ITPR1: variants seen among roughly 807,000 people sequenced by gnomAD.
The protein encoded by ITPR1 is inositol 1,4,5-trisphosphate receptor type 1.
In ITPR1, 96 loss-of-function variants were observed where a neutral mutation model predicts 318.4. The ratio of observed to expected loss-of-function variants is 0.30; its 90% CI spans 0.26 to 0.36. The LOEUF is 0.36. ITPR1 is among the 10% of genes least tolerant of loss of function. ITPR1 has a pLI of 1.00. For synonymous variants in ITPR1, 1,312 were observed against 1,289.9 expected (o/e 1.02, Z -0.37); for missense variants, 2,440 against 3,460.2 (o/e 0.71, Z 7.40).
intron 52 of ITPR1, 139 bp from the exon 53 acceptor site, chr3:4,794,926 T>A: frequency 1.1e-6 from 1 of 930,854 alleles, no homozygotes. Context: ...TCCAAACAAA[T>A]GATCATTTTT....
At chr3:4,548,288 G>A (rs1200385132) in intron 4 of ITPR1, among the ~76,000 whole-genome samples, 2 of 152,120 alleles carry the variant, frequency 1.3e-5, no homozygotes, top group Non-Finnish European at 2.9e-5. Flanking sequence ...CAAACATCAA[G>A]TTTGGGTTGG....
At chr3:4,726,321 C>T (rs1005060635) in intron 41 of ITPR1, among the ~76,000 whole-genome samples, 4 of 149,550 alleles carry the variant, frequency 2.7e-5, no homozygotes, top group East Asian at 1.9e-4. Context: ...TGAGGCTCTG[C>T]GCCCAGCCTA....
chr3:4,504,084 C>T (rs1049825466), intron 2 of ITPR1, among the ~76,000 whole-genome samples: 1 of 152,180 alleles, frequency 6.6e-6, no homozygotes, highest in Non-Finnish European at 1.5e-5. Context: ...GCCCTCCACT[C>T]ACCAAATCTG....
chr3:4,706,237 C>T lies in ITPR1; in HGVS notation c.4728C>T (p.His1576=). The stretch of plus-strand genomic sequence containing the variant: ...TCAACAACCTCTTTCTCAAGTCCCA[C>T]AGCATTGTGCAGAAAACAGCCATGA... ...SQVNNLFLKS[H]SIVQKTAMNW... Residue 1576 remains histidine (H), a synonymous_variant, in exon 37 of 62, where the codon CAC becomes CAT. Coordinates refer to ENST00000649015, the MANE Select transcript of ITPR1 (RefSeq NM_001378452.1). 6.2e-7 allele frequency: 1 copy of T among 1,614,066 alleles called. No individual in the cohort carries two copies. The highest frequency in any genetic ancestry group is 1.6e-4 in the Middle Eastern group (1 of 6,062).
At chr3:4,768,410 T>C (rs1188320773) in intron 45 of ITPR1, 101 bp from the exon 46 acceptor site, 1 of 1,347,076 alleles carries the variant, frequency 7.4e-7, no homozygotes, top group East Asian at 2.4e-5. Flanking sequence ...TGAACGTCTC[T>C]AGGAGATAAA....
chr3:4,667,463 C>G lies in ITPR1; in HGVS notation c.1800C>G (p.His600Gln). The G allele has an allele frequency of 6.2e-7, 1 of 1,613,804 alleles. No individual in the cohort carries two copies. The highest frequency in any genetic ancestry group is 8.5e-7 in the Non-Finnish European group (1 of 1,179,802). ...AAGACACTATCACTGCCCTGCTCCA[C>G]AATAATCGGAAACTCCTGGAAAAAC... is the stretch of plus-strand genomic sequence containing the variant. ...LAEDTITALL[H>Q]NNRKLLEKHI... The change falls in exon 18 of 62, where the codon CAC (histidine) becomes CAG (glutamine). Residue 600 changes from histidine to glutamine, a missense_variant. His to Gln is a conservative substitution (Grantham distance 24, BLOSUM62 0). This residue lies in a region of ITPR1 where 478 missense variants were observed against 696.3 expected (regional missense o/e 0.69). Coordinates refer to ENST00000649015, the MANE Select transcript of ITPR1 (RefSeq NM_001378452.1).
At chr3:4,797,020 C>G (rs2047942494) in intron 53 of ITPR1, among the ~76,000 whole-genome samples, 3 of 152,068 alleles carry the variant, frequency 2.0e-5, no homozygotes, top group Admixed American at 2.0e-4. Context: ...ATGGTGCATT[C>G]TGAATGAGCC....
intron 60 of ITPR1, among the ~76,000 whole-genome samples, chr3:4,828,763 G>A (rs2050245432): frequency 6.6e-6 from 1 of 152,184 alleles, no homozygotes. Flanking sequence ...AACAACTATG[G>A]AGTCTGGGAA....
intron 21 of ITPR1, 29 bp downstream of exon 21, chr3:4,673,416 T>C (rs765477985): frequency 2.5e-6 from 4 of 1,573,996 alleles, no homozygotes; most frequent in Non-Finnish European, 3.5e-6. Flanking sequence ...AACCTCACTT[T>C]ACATTATTCT....
In ITPR1 at chr3:4,779,978, G is replaced by C. The variant is rs1481563983; in HGVS notation, c.6387+333G>C. On this transcript the variant is annotated intron_variant, in intron 49 of 61. Coordinates refer to ENST00000649015, the MANE Select transcript of ITPR1 (RefSeq NM_001378452.1). This position sits in a 1 kb window ranked among gnomAD's most constrained non-coding sequence, Gnocchi z 4.0. ...CTCTCCCTTTGGCATAAACCACATG[G>C]AGAAGCCTCCGTCTCTGTTTTTCCC... is the stretch of plus-strand genomic sequence containing the variant. 6.6e-6 allele frequency among the ~76,000 whole-genome samples: 1 copy of C among 151,960 alleles called. No individual in the cohort carries two copies.
At chr3:4,755,163 C>T (rs2044858708) in intron 44 of ITPR1, among the ~76,000 whole-genome samples, 1 of 120,180 alleles carries the variant, frequency 8.3e-6, no homozygotes, top group Non-Finnish European at 1.7e-5. Context: ...TACGATAATA[C>T]CTTTAATTTT....
intron 4 of ITPR1, among the ~76,000 whole-genome samples, chr3:4,601,240 C>A (rs1410430549): frequency 7.1e-6 from 1 of 140,042 alleles, no homozygotes; most frequent in Non-Finnish European, 1.5e-5. Context: ...AAAGTTGAGC[C>A]AGGCTCATTG....
chr3:4,823,604 A>C (rs1217759888), intron 60 of ITPR1, among the ~76,000 whole-genome samples: 1 of 152,170 alleles, frequency 6.6e-6, no homozygotes, highest in Non-Finnish European at 1.5e-5. Context: ...GGCTAAAAAA[A>C]ACAAAAAACA....
chr3:4,653,214 G>A (rs1010777332), intron 11 of ITPR1, among the ~76,000 whole-genome samples: 9 of 152,178 alleles, frequency 5.9e-5, no homozygotes, highest in Admixed American at 3.9e-4. Flanking sequence ...TGAGACTACT[G>A]AGAGATTTCC....
intron 57 of ITPR1, among the ~76,000 whole-genome samples, chr3:4,813,846 T>C (rs770381174): frequency 1.3e-5 from 2 of 152,140 alleles, no homozygotes; most frequent in Non-Finnish European, 1.5e-5. Flanking sequence ...TCAGGGGTTG[T>C]TGGAAGATGA....
At chr3:4,760,808 T>C (rs1407384315) in intron 44 of ITPR1, among the ~76,000 whole-genome samples, 2 of 152,196 alleles carry the variant, frequency 1.3e-5, no homozygotes, top group African/African-American at 4.8e-5. Flanking sequence ...CTCTCCTGCC[T>C]CCTGCCTCCA....
intron 44 of ITPR1, among the ~76,000 whole-genome samples, chr3:4,762,942 C>A (rs558857319): frequency 4.6e-5 from 7 of 152,174 alleles, no homozygotes; most frequent in Non-Finnish European, 8.8e-5. Context: ...TCAACCCAAA[C>A]GCCCATCAAT....
chr3:4,658,254 G>A lies in ITPR1; in HGVS notation c.1127G>A (p.Arg376His), dbSNP rs1260045423. Residue 376 changes from arginine (R) to histidine (H), a missense_variant, in exon 13 of 62, where the codon CGT (arginine) becomes CAT (histidine). By Grantham distance (29) the Arg-to-His change is conservative (BLOSUM62 0). Transcript: ENST00000649015. ...SIFELDPTTL[R>H]GGDSLVPRNS... The stretch of plus-strand genomic sequence containing the variant: ...TTCGAGCTAGATCCCACCACTCTGC[G>A]TGGAGGTGACAGCCTTGTCCCAAGG... 6.8e-6 allele frequency: 11 copies of A among 1,612,402 alleles called. No individual in the cohort carries two copies. Among genetic ancestry groups the A allele is most frequent in the East Asian group, 2.2e-5 (1 of 44,832 alleles).
intron 4 of ITPR1, among the ~76,000 whole-genome samples, chr3:4,546,991 T>A (rs1166523510): frequency 1.3e-5 from 2 of 152,196 alleles, no homozygotes; most frequent in Non-Finnish European, 2.9e-5. Context: ...ACTAGCAGTG[T>A]GACCTCCAAT....
Sources: allele counts gnomAD v4.1 joint callset (sites outside exome capture counted in the v4.1 genomes callset), GRCh38; gene constraint gnomAD v4.1.1; regional missense constraint gnomAD v4.1.1; non-coding constraint Gnocchi (gnomAD v3.1); transcripts MANE v1.5; gene names NCBI Gene and HGNC (gene_info 2026-07-23, HGNC 2026-07-21).